Variants in SLC39A10 observed in about 807,000 individuals in gnomAD.
SLC39A10 encodes the protein zinc transporter ZIP10.
SLC39A10 carries 13 observed loss-of-function variants against 65.1 expected under a neutral mutation model. The observed-to-expected ratio is 0.20, with a 90% CI of 0.13 to 0.32. The LOEUF is 0.32. Ranked by LOEUF, SLC39A10 falls within the 10% of genes least tolerant of loss-of-function variation. The probability of loss-of-function intolerance (pLI) is 1.00; values close to 1 mark genes in which losing one functional copy is unlikely to be tolerated. For missense variants in SLC39A10, 831 were observed against 1,018.4 expected, an observed-to-expected ratio of 0.82 and a Z score of 2.50; for synonymous variants, 321 against 342.2, an observed-to-expected ratio of 0.94 and a Z score of 0.68.
At chr2:195,713,724 G>A (rs1467944269) in intron 6 of SLC39A10, among the ~76,000 whole-genome samples, 171 bp downstream of exon 6, 5 of 151,810 alleles carry the variant, frequency 3.3e-5, no homozygotes, top group Non-Finnish European at 7.4e-5. Flanking sequence ...TAATAAGGCA[G>A]CTGAATAATT....
At chr2:195,673,653 C>T (rs1012832604) in intron 1 of SLC39A10, among the ~76,000 whole-genome samples, 1 of 152,120 alleles carries the variant, frequency 6.6e-6, no homozygotes, top group Non-Finnish European at 1.5e-5. Flanking sequence ...TAAGTCATTG[C>T]TGGGTCCTAT....
intron 2 of SLC39A10, among the ~76,000 whole-genome samples, chr2:195,624,453 T>TA (rs942407680): frequency 1.2e-4 from 14 of 119,538 alleles, no homozygotes; most frequent in African/African-American, 4.4e-4. Flanking sequence ...CACTAAAAAA[T>TA]AAAAAATAAC....
intron 1 of SLC39A10, among the ~76,000 whole-genome samples, chr2:195,676,384 T>C (rs1344255820): frequency 3.9e-5 from 6 of 151,906 alleles, no homozygotes; most frequent in African/African-American, 1.2e-4. Context: ...TATAGTGTCC[T>C]TTATTATAGA....
In SLC39A10 at chr2:195,736,620, T is replaced by A. The variant is rs188516251; in HGVS notation, c.*1579T>A. ...AGCAGCACATGCATCCAGGTATTTA[T>A]AGATTATTGCCAGTGTCTTTTCTGT... On this transcript the variant is annotated 3_prime_UTR_variant, in exon 10 of 10. Coordinates refer to ENST00000359634, the MANE Select transcript of SLC39A10 (RefSeq NM_020342.3). The A allele has an allele frequency of 6.6e-6, 1 of 152,316 alleles. No individual in the cohort carries two copies. Among genetic ancestry groups the A allele is most frequent in the South Asian group, 2.1e-4 (1 of 4,828 alleles). 9.4% of individuals were successfully genotyped at this position (152,316 alleles called of 1,614,324 possible).
Position 195,736,064 on chromosome 2 carries a change from T to G in SLC39A10, c.*1023T>G, listed in dbSNP as rs1253412801. On this transcript the variant is annotated 3_prime_UTR_variant, in exon 10 of 10. Transcript: ENST00000359634. ...GGTTGTAAAGCAGAAAATCGAAGTTTACCATGTCTGTAATGTGTACATGAA... is the reference window on the plus strand; with the variant it reads ...GGTTGTAAAGCAGAAAATCGAAGTTGACCATGTCTGTAATGTGTACATGAA... The G allele has an allele frequency of 6.6e-6, 1 of 152,616 alleles. No individual in the cohort carries two copies. The highest frequency in any genetic ancestry group is 2.4e-5 in the African/African-American group (1 of 41,444). 9.5% of individuals were successfully genotyped at this position (152,616 alleles called of 1,614,324 possible).
Position 195,621,798 on chromosome 2 carries a change from T to A in SLC39A10, c.-12+15565T>A, listed in dbSNP as rs74544914. ...AATTCTTTGTGTTTTTATAGAGAAGTTACCTATGATCATAATAAATACAGT... is the reference window on the plus strand; with the variant it reads ...AATTCTTTGTGTTTTTATAGAGAAGATACCTATGATCATAATAAATACAGT... On this transcript the variant is annotated intron_variant, in intron 2 of 2. Coordinates refer to the SLC39A10 transcript ENST00000458054. Among the ~76,000 whole-genome samples the A allele has an allele frequency of 0.019, 2,821 of 152,268 alleles. 235 individuals are homozygous for A. In the East Asian group the frequency reaches 0.25, roughly 14 times the overall value.
rs1216043406 is a variant in SLC39A10 at position 195,728,878 on chromosome 2, T to C, written c.2337+529T>C. Among the ~76,000 whole-genome samples the C allele has an allele frequency of 2.6e-5, 4 of 152,118 alleles. No individual in the cohort carries two copies. The highest frequency in any genetic ancestry group is 9.7e-5 in the African/African-American group (4 of 41,450). On this transcript the variant is annotated intron_variant, in intron 9 of 9. Coordinates refer to ENST00000359634, the MANE Select transcript of SLC39A10 (RefSeq NM_020342.3). The surrounding 1 kb of genome is among the most constrained non-coding windows in gnomAD (Gnocchi z 4.4). ...ATGTTAGACAGTGTATTTACAGAACTAGCAATTAGGTTTTTATGTTTGTTT... is the reference window on the plus strand; with the variant it reads ...ATGTTAGACAGTGTATTTACAGAACCAGCAATTAGGTTTTTATGTTTGTTT...
chr2:195,718,262 C>T lies in SLC39A10; in HGVS notation c.2076C>T (p.Phe692=). The change falls in exon 8 of 10, where the codon TTC becomes TTT. Residue 692 remains phenylalanine (F), a synonymous_variant. Coordinates refer to ENST00000359634, the MANE Select transcript of SLC39A10 (RefSeq NM_020342.3). ...TCTTATCTTCCTCAGGTGCAGCTTT[C>T]AGTGCTGGATTGACAGGAGGAATCA... ...FSDGLAIGAA[F]SAGLTGGIST... 1 of 1,605,640 alleles carries T rather than the reference C, an allele frequency of 6.2e-7. No individual in the cohort carries two copies. Among genetic ancestry groups the T allele is most frequent in the South Asian group, 1.1e-5 (1 of 89,900 alleles).
intron 2 of SLC39A10, among the ~76,000 whole-genome samples, chr2:195,622,414 A>G (rs1314897094): frequency 2.0e-5 from 3 of 152,070 alleles, no homozygotes; most frequent in East Asian, 1.9e-4. Context: ...AAAGAAAATG[A>G]GTGATTTAGA....
At chr2:195,692,571 T>G (rs920622196) in intron 3 of SLC39A10, among the ~76,000 whole-genome samples, 1 of 152,144 alleles carries the variant, frequency 6.6e-6, no homozygotes, top group Non-Finnish European at 1.5e-5. Flanking sequence ...CTACTTGGTT[T>G]GGTATATTCC....
chr2:195,678,259 A>T (rs1690170129), intron 1 of SLC39A10, among the ~76,000 whole-genome samples: 1 of 152,160 alleles, frequency 6.6e-6, no homozygotes, highest in Non-Finnish European at 1.5e-5. Flanking sequence ...ATTTAACTCT[A>T]TATATTCTTG....
At chr2:195,649,023 C>G (rs769356349) in intron 2 of SLC39A10, among the ~76,000 whole-genome samples, 1 of 152,064 alleles carries the variant, frequency 6.6e-6, no homozygotes, top group African/African-American at 2.4e-5. Flanking sequence ...TAGGTGAGAT[C>G]ATCTATGAGA....
chr2:195,689,485 T>TTAA (rs1690647146), intron 3 of SLC39A10, among the ~76,000 whole-genome samples: 1 of 152,220 alleles, frequency 6.6e-6, no homozygotes, highest in African/African-American at 2.4e-5. Flanking sequence ...TAAATGTTTT[T>TTAA]AAACTGTAGT....
Position 195,698,646 on chromosome 2 carries a change from G to A in SLC39A10, c.1217-7970G>A, listed in dbSNP as rs1156500982. ...TATATTGAACTTTTATTGCATTCCA[G>A]CAATAAATCCCATTTAGTCAGGTTG... is the stretch of plus-strand genomic sequence containing the variant. On this transcript the variant is annotated intron_variant, in intron 3 of 9. Coordinates refer to ENST00000359634, the MANE Select transcript of SLC39A10 (RefSeq NM_020342.3). Among the ~76,000 whole-genome samples, 3 of 151,160 alleles carry A rather than the reference G, an allele frequency of 2.0e-5. No homozygotes were observed. The East Asian group carries it at 5.8e-4, about 29-fold the overall frequency.
chr2:195,616,664 T>C (rs1465468315), intron 2 of SLC39A10, among the ~76,000 whole-genome samples: 4 of 148,506 alleles, frequency 2.7e-5, no homozygotes, highest in East Asian at 2.0e-4. Flanking sequence ...AGTGCAGTGG[T>C]GCCATCTCGG....
intron 8 of SLC39A10, among the ~76,000 whole-genome samples, chr2:195,719,830 G>C (rs1175955430): frequency 2.1e-5 from 3 of 140,256 alleles, no homozygotes; most frequent in Non-Finnish European, 4.6e-5. Context: ...TGCTCTTGTT[G>C]CCCAGGATGG....
intron 3 of SLC39A10, among the ~76,000 whole-genome samples, chr2:195,684,325 G>A (rs1342031846): frequency 6.6e-6 from 1 of 152,098 alleles, no homozygotes; most frequent in African/African-American, 2.4e-5. Context: ...GGAAGCTACT[G>A]TGTGTAAACT....
chr2:195,657,437 C>G, intron 1 of SLC39A10, 156 bp downstream of exon 1: 2 of 985,960 alleles, frequency 2.0e-6, no homozygotes, highest in Non-Finnish European at 2.4e-6. Context: ...CGCTGGGGTT[C>G]CCGCAGCTGC....
At chr2:195,641,048 A>G (rs970832551) in intron 2 of SLC39A10, among the ~76,000 whole-genome samples, 5 of 152,214 alleles carry the variant, frequency 3.3e-5, no homozygotes, top group Admixed American at 1.3e-4. Flanking sequence ...ACATTGAACA[A>G]GGAACAGTCC....
Sources: gnomAD v4.1 joint callset for allele counts (sites outside exome capture counted in the v4.1 genomes callset) on GRCh38, gnomAD v4.1.1 for gene constraint, Gnocchi (gnomAD v3.1) non-coding constraint, MANE v1.5 for transcripts, NCBI Gene and HGNC (gene_info 2026-07-23, HGNC 2026-07-21) for gene names.